GRIA2: variants seen among roughly 807,000 people sequenced by gnomAD.
The protein encoded by GRIA2 is glutamate receptor 2.
Under a neutral mutation model 97.3 loss-of-function variants are expected in GRIA2, and 14 were observed. The observed-to-expected ratio is 0.14, with a 90% confidence interval of 0.10 to 0.23. The LOEUF (loss-of-function observed/expected upper bound fraction) is 0.23, where lower values mean the gene tolerates loss of function less well. Among genes scored for constraint, GRIA2 ranks in the 10% least tolerant of loss-of-function variants. The probability of loss-of-function intolerance (pLI) is 1.00; values close to 1 mark genes in which losing one functional copy is unlikely to be tolerated. For missense variants in GRIA2, 558 were observed against 1,069.8 expected, an observed-to-expected ratio of 0.52 and a Z score of 6.67; for synonymous variants, 412 against 387.8, an observed-to-expected ratio of 1.06 and a Z score of -0.73.
rs538504484 is a variant in GRIA2, at chr4:157,238,266, A to T, written c.229+16459A>T. On this transcript the variant is annotated intron_variant, in intron 2 of 15. Transcript: ENST00000264426. Reference sequence around the variant, plus strand: ...TTATGGTGCATGTCATAAACTGTGTATTTTTGGCCAACCGTCAGGGAAATT... The same window carrying T: ...TTATGGTGCATGTCATAAACTGTGTTTTTTTGGCCAACCGTCAGGGAAATT... 2.6e-5 allele frequency among the ~76,000 whole-genome samples: 4 copies of T among 152,234 alleles called. No homozygotes were observed. In the South Asian group the frequency reaches 8.3e-4, roughly 32 times the overall value.
chr4:157,229,164 A>G (rs1052336141), intron 2 of GRIA2, among the ~76,000 whole-genome samples: 2 of 152,108 alleles, frequency 1.3e-5, no homozygotes, highest in African/African-American at 4.8e-5. Flanking sequence ...TTGTGGACCA[A>G]TTGCTCTATT....
intron 2 of GRIA2, among the ~76,000 whole-genome samples, chr4:157,300,799 G>GTGCAGC: frequency 6.6e-6 from 1 of 152,264 alleles, no homozygotes; most frequent in Non-Finnish European, 1.5e-5. Flanking sequence ...ATGAAGTTGT[G>GTGCAGC]TGCAGCTTGT....
At chr4:157,360,716 A>C in intron 13 of GRIA2, 1 of 514,004 alleles carries the variant, frequency 1.9e-6, no homozygotes, top group Non-Finnish European at 3.8e-6. Context: ...TAGTGGAGTC[A>C]CATTCAAGAC....
intron 2 of GRIA2, among the ~76,000 whole-genome samples, chr4:157,291,229 T>C (rs1429659977): frequency 1.3e-5 from 2 of 151,982 alleles, no homozygotes; most frequent in East Asian, 1.9e-4. Context: ...TGCCTCCTTT[T>C]CAGCTGTTCA....
intron 2 of GRIA2, among the ~76,000 whole-genome samples, chr4:157,285,940 T>C (rs1257027973): frequency 6.6e-6 from 1 of 151,526 alleles, no homozygotes; most frequent in African/African-American, 2.4e-5. Context: ...TTGGCAAATA[T>C]ACACAACTAG....
At chr4:157,224,355 A>T (rs369924945) in intron 2 of GRIA2, among the ~76,000 whole-genome samples, 83 of 152,294 alleles carry the variant, frequency 5.4e-4, no homozygotes, top group African/African-American at 1.8e-3. Context: ...CTGTTTGCTA[A>T]AAAGAACTAG....
At chr4:157,306,708 GA>G (rs1422460600) in intron 3 of GRIA2, among the ~76,000 whole-genome samples, 10 of 152,108 alleles carry the variant, frequency 6.6e-5, no homozygotes, top group Non-Finnish European at 1.2e-4. Context: ...CATGGAAATG[GA>G]ATTTTTGCTA....
chr4:157,277,677 G>T (rs529736257), intron 2 of GRIA2, among the ~76,000 whole-genome samples: 1 of 151,256 alleles, frequency 6.6e-6, no homozygotes, highest in Non-Finnish European at 1.5e-5. Context: ...TTATGGCAAG[G>T]TTGCAGGATT....
intron 2 of GRIA2, among the ~76,000 whole-genome samples, chr4:157,269,480 A>C (rs1422239132): frequency 6.6e-6 from 1 of 152,078 alleles, no homozygotes. Context: ...TACCTCTGAA[A>C]GCTTAGGTAG....
At position 157,343,892 on chromosome 4, in the gene GRIA2, T is replaced by A. The variant is rs139583279; in HGVS notation, c.2043+2430T>A. On this transcript the variant is annotated intron_variant, in intron 12 of 15. Transcript: ENST00000264426. ...AGTTCATGAGTAATTTTGAGCAATT[T>A]TTCTAACTGTATTACAATAATATTT... Among the ~76,000 whole-genome samples the A allele has an allele frequency of 2.8e-3, 433 of 152,226 alleles. 1 individual carries two copies. Among genetic ancestry groups the A allele is most frequent in the Non-Finnish European group, 5.0e-3 (337 of 67,992 alleles).
chr4:157,332,506 G>A (rs1735096830), intron 6 of GRIA2, among the ~76,000 whole-genome samples: 1 of 147,420 alleles, frequency 6.8e-6, no homozygotes, highest in South Asian at 2.2e-4. Context: ...ATAAAGTGAG[G>A]CTGTAACAAG....
intron 2 of GRIA2, among the ~76,000 whole-genome samples, chr4:157,229,513 GA>G (rs1269334886): frequency 6.6e-6 from 1 of 152,124 alleles, no homozygotes; most frequent in African/African-American, 2.4e-5. Context: ...TATAGAAAGG[GA>G]ATTGGTGAGT....
intron 11 of GRIA2, among the ~76,000 whole-genome samples, chr4:157,339,306 A>T (rs934135609): frequency 2.0e-5 from 3 of 151,996 alleles, no homozygotes; most frequent in Non-Finnish European, 4.4e-5. Flanking sequence ...ACATTTCTTT[A>T]TTCCTTTAGT....
At chr4:157,344,563 C>T (rs1003110326) in intron 12 of GRIA2, among the ~76,000 whole-genome samples, 3 of 152,102 alleles carry the variant, frequency 2.0e-5, no homozygotes, top group Non-Finnish European at 2.9e-5. Context: ...GCAGATTACA[C>T]ATGCAATAAT....
intron 12 of GRIA2, chr4:157,342,160 A>C: frequency 7.3e-6 from 7 of 958,604 alleles, no homozygotes; most frequent in Non-Finnish European, 8.7e-6. Flanking sequence ...ACAGCTGATT[A>C]ACTTAGGTCT....
At chr4:157,335,103 A>C (rs1395604659) in intron 9 of GRIA2, 1 of 155,246 alleles carries the variant, frequency 6.4e-6, no homozygotes, top group South Asian at 2.0e-4. Flanking sequence ...TCCTTGTAGC[A>C]TCATTCTAGG....
intron 2 of GRIA2, among the ~76,000 whole-genome samples, chr4:157,283,434 T>C (rs1208609562): frequency 6.6e-6 from 1 of 151,996 alleles, no homozygotes; most frequent in African/African-American, 2.4e-5. Context: ...ATAATTAATG[T>C]GATATTTCTA....
At chr4:157,312,984 T>A in intron 4 of GRIA2, 109 bp downstream of exon 4, 1 of 593,924 alleles carries the variant, frequency 1.7e-6, no homozygotes, top group Non-Finnish European at 2.9e-6. Context: ...TTTTGCTTTA[T>A]GTTTTATGTC....
intron 12 of GRIA2, among the ~76,000 whole-genome samples, chr4:157,355,904 T>TATATATATTAATATATTTATATATATAA (rs1560781026): frequency 7.3e-5 from 1 of 13,652 alleles, no homozygotes; most frequent in African/African-American, 2.9e-4. Context: ...TATATATAAA[T>TATATATATTAATATATTTATATATATAA]ATATATATAT....
Sources: gnomAD v4.1 joint callset for allele counts (sites outside exome capture counted in the v4.1 genomes callset) on GRCh38, gnomAD v4.1.1 for gene constraint, MANE v1.5 for transcripts, NCBI Gene and HGNC (gene_info 2026-07-23, HGNC 2026-07-21) for gene names.